CADPS2: variants seen among roughly 807,000 people sequenced by gnomAD.
CADPS2 encodes the protein calcium-dependent secretion activator 2.
A neutral mutation model predicts 172.5 loss-of-function variants in CADPS2; 93 were observed. The observed-to-expected ratio is 0.54, with a 90% confidence interval of 0.46 to 0.64. The LOEUF (loss-of-function observed/expected upper bound fraction) is 0.64, where lower values mean the gene tolerates loss of function less well. Among genes scored for constraint, CADPS2 ranks in the 30% least tolerant of loss-of-function variants. The probability of loss-of-function intolerance (pLI) is 0.00; values close to 1 mark genes in which losing one functional copy is unlikely to be tolerated. For missense variants in CADPS2, 1,420 were observed against 1,565.9 expected (o/e 0.91, Z 1.57); for synonymous variants, 546 against 555.2 (o/e 0.98, Z 0.23).
At chr7:122,692,047 G>A (rs891298334) in intron 2 of CADPS2, among the ~76,000 whole-genome samples, 2 of 152,138 alleles carry the variant, frequency 1.3e-5, no homozygotes, top group Non-Finnish European at 2.9e-5. Context: ...CCCAAGCCAG[G>A]CATCTCGGCC....
At position 122,329,682 on chromosome 7, in the gene CADPS2, C is replaced by T. The variant is rs79044122; in HGVS notation, c.3613-4101G>A. On this transcript the variant is annotated intron_variant, in intron 28 of 29. Coordinates refer to ENST00000449022, the MANE Select transcript of CADPS2 (RefSeq NM_017954.11). ...GAGGATGATTCAATTAAATATAACA[C>T]GTATTGCCTGGAAACAAGCACTTCA... Among the ~76,000 whole-genome samples, 569 of 152,266 alleles carry T rather than the reference C, an allele frequency of 3.7e-3. 1 individual carries two copies. Among genetic ancestry groups the T allele is most frequent in the Non-Finnish European group, 6.4e-3 (438 of 68,028 alleles).
chr7:122,346,147 G>A (rs796470645), intron 27 of CADPS2, among the ~76,000 whole-genome samples: 5 of 152,028 alleles, frequency 3.3e-5, no homozygotes, highest in African/African-American at 1.2e-4. Flanking sequence ...CAGGTGGATC[G>A]CTTGGGCCCA....
chr7:122,367,546 T>G (rs1183420582), intron 25 of CADPS2, among the ~76,000 whole-genome samples: 2,492 of 72,464 alleles, frequency 0.034, 83 homozygotes, highest in African/African-American at 0.077. Flanking sequence ...CCAGTTTTTT[T>G]TTTTTTTTTT....
chr7:122,325,899 C>A (rs2033742479), intron 28 of CADPS2, among the ~76,000 whole-genome samples: 1 of 151,694 alleles, frequency 6.6e-6, no homozygotes, highest in Admixed American at 6.6e-5. Context: ...AACAAAGGAT[C>A]CTAAATACAT....
At chr7:122,380,646 G>A (rs1287514053) in intron 24 of CADPS2, among the ~76,000 whole-genome samples, 1 of 152,098 alleles carries the variant, frequency 6.6e-6, no homozygotes, top group East Asian at 1.9e-4. Flanking sequence ...TAATTTTGGA[G>A]TGTCTGAATT....
chr7:122,790,953 C>A (rs1006366420), intron 1 of CADPS2, among the ~76,000 whole-genome samples: 3 of 152,170 alleles, frequency 2.0e-5, no homozygotes, highest in Non-Finnish European at 4.4e-5. Context: ...AATGGTAGCA[C>A]CCAAAATACG....
intron 7 of CADPS2, among the ~76,000 whole-genome samples, chr7:122,558,760 C>T (rs2065346127): frequency 6.6e-6 from 1 of 152,150 alleles, no homozygotes; most frequent in Non-Finnish European, 1.5e-5. Context: ...AATATATAAG[C>T]TGTCACTTCT....
chr7:122,405,382 G>T (rs1015601774), intron 20 of CADPS2, among the ~76,000 whole-genome samples: 1 of 152,178 alleles, frequency 6.6e-6, no homozygotes, highest in Non-Finnish European at 1.5e-5. Context: ...TTGGCTGAGG[G>T]CCAGGTGCAG....
chr7:122,722,587 G>A (rs1046412625), intron 2 of CADPS2, among the ~76,000 whole-genome samples: 6 of 147,918 alleles, frequency 4.1e-5, no homozygotes, highest in African/African-American at 1.5e-4. Flanking sequence ...TTGATAGGAA[G>A]AATCAATATT....
At chr7:122,597,787 T>C (rs2072082953) in intron 6 of CADPS2, among the ~76,000 whole-genome samples, 1 of 152,096 alleles carries the variant, frequency 6.6e-6, no homozygotes, top group Admixed American at 6.6e-5. Context: ...CTGATATGCT[T>C]TGGGAGAATA....
chr7:122,480,799 A>C, intron 12 of CADPS2, 53 bp downstream of exon 12: 1 of 1,228,814 alleles, frequency 8.1e-7, no homozygotes, highest in African/African-American at 1.5e-5. Flanking sequence ...CAAACATAGT[A>C]TCATTAAAAA....
At chr7:122,421,008 T>G (rs1011589502) in intron 17 of CADPS2, 1 of 152,294 alleles carries the variant, frequency 6.6e-6, no homozygotes, top group African/African-American at 2.4e-5. Context: ...GCATATCTCC[T>G]GGCACACTGG....
intron 1 of CADPS2, among the ~76,000 whole-genome samples, chr7:122,831,057 T>C (rs11971752): frequency 0.012 from 1,879 of 152,340 alleles, 41 homozygotes; most frequent in African/African-American, 0.043. Flanking sequence ...ATTAGGCTAC[T>C]GAAAGAGAAA....
intron 1 of CADPS2, among the ~76,000 whole-genome samples, chr7:122,836,630 A>C (rs1297341681): frequency 6.6e-6 from 1 of 152,230 alleles, no homozygotes; most frequent in African/African-American, 2.4e-5. Context: ...TTGCAATCCT[A>C]GTCTCTGATA....
At chr7:122,742,319 C>T (rs1273649490) in intron 1 of CADPS2, among the ~76,000 whole-genome samples, 2 of 151,780 alleles carry the variant, frequency 1.3e-5, no homozygotes, top group Admixed American at 1.3e-4. Context: ...CGCTTGAACC[C>T]GAGAGGCAGA....
chr7:122,357,954 T>C (rs529578145), intron 27 of CADPS2, among the ~76,000 whole-genome samples: 1 of 152,272 alleles, frequency 6.6e-6, no homozygotes, highest in Non-Finnish European at 1.5e-5. Flanking sequence ...GCATAGATTT[T>C]GGGGTGGACA....
intron 1 of CADPS2, among the ~76,000 whole-genome samples, chr7:122,811,747 T>A (rs1800071465): frequency 6.6e-6 from 1 of 152,188 alleles, no homozygotes; most frequent in Non-Finnish European, 1.5e-5. Flanking sequence ...TACCTTGTTC[T>A]CCTATGTCAT....
chr7:122,543,978 G>A (rs1297766868), intron 8 of CADPS2, among the ~76,000 whole-genome samples: 4 of 152,100 alleles, frequency 2.6e-5, no homozygotes, highest in Non-Finnish European at 5.9e-5. Flanking sequence ...TGGAAGAAAT[G>A]TATACTGGTA....
chr7:122,652,684 TTTC>T (rs1173036519), intron 3 of CADPS2, among the ~76,000 whole-genome samples: 3 of 152,186 alleles, frequency 2.0e-5, no homozygotes, highest in East Asian at 1.9e-4. Flanking sequence ...TCTTTACTTT[TTTC>T]TTAATATTTT....
Sources: gnomAD v4.1 joint callset for allele counts (sites outside exome capture counted in the v4.1 genomes callset) on GRCh38, gnomAD v4.1.1 for gene constraint, MANE v1.5 for transcripts, NCBI Gene and HGNC (gene_info 2026-07-23, HGNC 2026-07-21) for gene names.